The following ANKRD40CL variants were observed in gnomAD, a reference collection of about 807,000 sequenced individuals.
ANKRD40CL encodes the protein ANKRD40 C-terminal like.
For synonymous variants in ANKRD40CL, 5 were observed against 2.3 expected, an observed-to-expected ratio of 2.14 and a Z score of -1.04; for missense variants, 11 against 6.4, an observed-to-expected ratio of 1.71 and a Z score of -0.77.
intron 3 of ANKRD40CL, among the ~76,000 whole-genome samples, chr17:50,762,533 G>A (rs573008978): frequency 1.3e-5 from 2 of 152,120 alleles, no homozygotes; most frequent in African/African-American, 2.4e-5. Context: ...CTATGATCAC[G>A]CCATTGCATT....
intron 2 of ANKRD40CL, among the ~76,000 whole-genome samples, chr17:50,766,113 C>G (rs1356195210): frequency 6.6e-6 from 1 of 152,192 alleles, no homozygotes; most frequent in Non-Finnish European, 1.5e-5. Context: ...TCCTGCCCAA[C>G]TCAGCCCCTT....
At chr17:50,763,285 G>A (rs1265951237) in intron 3 of ANKRD40CL, 112 bp downstream of exon 3, 11 of 398,200 alleles carry the variant, frequency 2.8e-5, no homozygotes, top group East Asian at 7.1e-5. Flanking sequence ...ATGTTTGGCC[G>A]TTTTGCAGCC....
Position 50,766,890 on chromosome 17 carries a change from G to A in ANKRD40CL, c.24C>T (p.Ile8=), listed in dbSNP as rs1409525559. Reference sequence around the variant, plus strand: ...CAGACTCACCTGCTGGCTTCTCCCCGATGTCCTGTTCCGGTTCAGCCATGA... The same window carrying A: ...CAGACTCACCTGCTGGCTTCTCCCCAATGTCCTGTTCCGGTTCAGCCATGA... MAEPEQD[I]GEKPAVRIQN... Residue 8 remains isoleucine, a synonymous_variant, in exon 2 of 4, where the codon ATC becomes ATT. Coordinates refer to ENST00000450727, the MANE Select transcript of ANKRD40CL (RefSeq NM_001358683.3). 3.4e-5 allele frequency: 23 copies of A among 674,868 alleles called. 1 individual carries two copies. Among genetic ancestry groups the A allele is most frequent in the Non-Finnish European group, 4.3e-5 (16 of 369,794 alleles). 41.8% of individuals were successfully genotyped at this position (674,868 alleles called of 1,614,324 possible).
chr17:50,766,589 C>T, intron 2 of ANKRD40CL: 1 of 394,828 alleles, frequency 2.5e-6, no homozygotes, highest in Non-Finnish European at 4.5e-6. Flanking sequence ...CCTACCTCAC[C>T]AGATTGTAAG....
intron 3 of ANKRD40CL, among the ~76,000 whole-genome samples, chr17:50,762,181 A>G (rs1971212513): frequency 6.6e-6 from 1 of 152,162 alleles, no homozygotes; most frequent in African/African-American, 2.4e-5. Context: ...TCGGCCTCCC[A>G]AAGTGCTGGG....
intron 2 of ANKRD40CL, 164 bp from the exon 3 acceptor site, chr17:50,763,721 T>C: frequency 2.5e-6 from 1 of 394,910 alleles, no homozygotes; most frequent in Non-Finnish European, 4.5e-6. Flanking sequence ...CACTTTGCAT[T>C]AGCTGAGGGT....
At chr17:50,763,117 G>C (rs1023546654) in intron 3 of ANKRD40CL, 2 of 275,538 alleles carry the variant, frequency 7.3e-6, no homozygotes, top group African/African-American at 4.4e-5. Context: ...GGATAGTCTC[G>C]ATCTCTTGAC....
At chr17:50,766,680 A>G in intron 2 of ANKRD40CL, 194 bp downstream of exon 2, 1 of 490,448 alleles carries the variant, frequency 2.0e-6, no homozygotes, top group Non-Finnish European at 3.6e-6. Flanking sequence ...ATTATTATTT[A>G]TTATAGCTAT....
chr17:50,765,378 A>C (rs1374623175), intron 2 of ANKRD40CL, among the ~76,000 whole-genome samples: 1 of 152,182 alleles, frequency 6.6e-6, no homozygotes, highest in East Asian at 1.9e-4. Flanking sequence ...CCACCAAGCC[A>C]TTCTGGTTTT....
At chr17:50,767,057 G>A in intron 1 of ANKRD40CL, 46 bp from the exon 2 acceptor site, 1 of 693,234 alleles carries the variant, frequency 1.4e-6, no homozygotes, top group Non-Finnish European at 2.6e-6. Flanking sequence ...GTGAGATAGA[G>A]CAGGGTCATT....
chr17:50,766,993 A>G lies in ANKRD40CL; in HGVS notation c.-80T>C. The stretch of plus-strand genomic sequence containing the variant: ...CCCAACCAAATAAAAAGCACTTTCT[A>G]CAGCCTCAGCACATCTGTCTGCAAG... On this transcript the variant is annotated 5_prime_UTR_variant, in exon 2 of 4. Transcript: ENST00000450727. The G allele has an allele frequency of 2.8e-6, 2 of 702,378 alleles. No homozygotes were observed. Among genetic ancestry groups the G allele is most frequent in the Admixed American group, 2.0e-5 (1 of 49,988 alleles). 43.5% of individuals were successfully genotyped at this position (702,378 alleles called of 1,614,324 possible). A position where few individuals can be genotyped will look rare whatever the true frequency, so the allele number is the denominator to read the frequency against.
chr17:50,764,101 C>G (rs866458465), intron 2 of ANKRD40CL: 2 of 398,496 alleles, frequency 5.0e-6, no homozygotes, highest in African/African-American at 4.1e-5. Context: ...AACTAAAAGT[C>G]CAAATGGAAA....
chr17:50,761,546 T>G (rs1020374989), intron 3 of ANKRD40CL, 40 bp from the exon 4 acceptor site: 3 of 397,690 alleles, frequency 7.5e-6, no homozygotes, highest in Non-Finnish European at 1.3e-5. Context: ...TTAATAAATT[T>G]GAATGTAATA....
intron 3 of ANKRD40CL, 145 bp from the exon 4 acceptor site, chr17:50,761,651 C>CTCCA: frequency 2.7e-6 from 1 of 368,654 alleles, no homozygotes; most frequent in African/African-American, 2.1e-5. Flanking sequence ...GTCGCCCAGG[C>CTCCA]TGGAGGGCAA....
At chr17:50,767,311 G>C (rs867797699) in intron 1 of ANKRD40CL, 152 bp downstream of exon 1, 1 of 398,344 alleles carries the variant, frequency 2.5e-6, no homozygotes, top group South Asian at 2.0e-5. Flanking sequence ...TCTTGGAAAA[G>C]GTTGGTAGCT....
At chr17:50,763,110 T>G (rs1422573637) in intron 3 of ANKRD40CL, 2 of 263,894 alleles carry the variant, frequency 7.6e-6, no homozygotes, top group Non-Finnish European at 7.1e-6. Flanking sequence ...TTGGCCAGGA[T>G]AGTCTCGATC....
chr17:50,763,081 G>C (rs1466976546), intron 3 of ANKRD40CL: 1 of 202,564 alleles, frequency 4.9e-6, no homozygotes, highest in East Asian at 1.0e-4. Context: ...ATTTTTAGTA[G>C]AGACGGGTTT....
chr17:50,762,154 C>G (rs1257779235), intron 3 of ANKRD40CL, among the ~76,000 whole-genome samples: 4 of 152,128 alleles, frequency 2.6e-5, no homozygotes, highest in Non-Finnish European at 4.4e-5. Context: ...TTCCTGAGCT[C>G]AAGCAATCCG....
chr17:50,766,163 G>T (rs1419603197), intron 2 of ANKRD40CL, among the ~76,000 whole-genome samples: 1 of 152,150 alleles, frequency 6.6e-6, no homozygotes, highest in Non-Finnish European at 1.5e-5. Context: ...AGTGAGCGGG[G>T]ATCTGCAGTC....
Sources: allele counts gnomAD v4.1 joint callset (sites outside exome capture counted in the v4.1 genomes callset), GRCh38; gene constraint gnomAD v4.1.1; transcripts MANE v1.5; gene names NCBI Gene and HGNC (gene_info 2026-07-23, HGNC 2026-07-21).